RHO: variants seen among roughly 807,000 people sequenced by gnomAD.
The protein encoded by RHO is rhodopsin, also known as opsin 2, rod pigment.
In RHO, 21 loss-of-function variants were observed where a neutral mutation model predicts 31.2. The observed-to-expected ratio is 0.67, with a 90% CI of 0.48 to 0.97. The LOEUF (loss-of-function observed/expected upper bound fraction) is 0.97. RHO is among the 50% of genes least tolerant of loss of function. The pLI is 0.00. For missense variants in RHO, 414 were observed against 479.5 expected, an observed-to-expected ratio of 0.86 and a Z score of 1.28; for synonymous variants, 211 against 196.6, an observed-to-expected ratio of 1.07 and a Z score of -0.61.
chr3:129,531,078 G>C (rs779560689), intron 2 of RHO, 34 bp downstream of exon 2: 4 of 1,607,376 alleles, frequency 2.5e-6, no homozygotes, highest in East Asian at 2.2e-5. Flanking sequence ...AGAAGCTCCG[G>C]GGGCTCTTTG....
chr3:129,532,868 C>G lies in RHO; in HGVS notation c.936+96C>G. 6.5e-7 allele frequency: 1 copy of G among 1,530,898 alleles called. No homozygotes were observed. Among genetic ancestry groups the G allele is most frequent in the Admixed American group, 1.7e-5 (1 of 59,516 alleles). The allele number at this position is 1,530,898 out of a possible 1,614,324, so 94.8% of individuals were successfully genotyped here. A position where few individuals can be genotyped will look rare whatever the true frequency, so the allele number is the denominator to read the frequency against. Reference sequence around the variant, plus strand: ...CCCAGGGCAGGGGAGGGGGCTCCATCAGGGTTACTGGCAGCAGTCTTGGGT... The same window carrying G: ...CCCAGGGCAGGGGAGGGGGCTCCATGAGGGTTACTGGCAGCAGTCTTGGGT... On this transcript the variant is annotated intron_variant, in intron 4 of 4. Coordinates refer to ENST00000296271, the MANE Select transcript of RHO (RefSeq NM_000539.3). This position sits in a 1 kb window ranked among gnomAD's most constrained non-coding sequence, Gnocchi z 5.5.
chr3:129,529,528 G>A (rs78872255), intron 1 of RHO, among the ~76,000 whole-genome samples: 6 of 152,206 alleles, frequency 3.9e-5, no homozygotes, highest in South Asian at 2.1e-4. Flanking sequence ...GGGAGAGCTG[G>A]GCAAGCCAGA....
Position 129,530,864 on chromosome 3 carries a change from A to C in RHO, c.362-12A>C, listed in dbSNP as rs1454233776. 1 of 1,613,988 alleles carries C rather than the reference A, an allele frequency of 6.2e-7. No homozygotes were observed. Among genetic ancestry groups the C allele is most frequent in the Non-Finnish European group, 8.5e-7 (1 of 1,180,014 alleles). The stretch of plus-strand genomic sequence containing the variant: ...TGGGGTCTGTGCTGACCGCCTGCTG[A>C]CTGCCTTGCAGGTGAAATTGCCCTG... On this transcript the variant is annotated splice_polypyrimidine_tract_variant and intron_variant, in intron 1 of 4. Coordinates refer to ENST00000296271, the MANE Select transcript of RHO (RefSeq NM_000539.3).
At position 129,530,533 on chromosome 3, in the gene RHO, A is replaced by ACAACACACACACACACACACACAC. The variant is rs1553781099; in HGVS notation, c.362-343_362-342insCAACACACACACACACACACACAC. Among the ~76,000 whole-genome samples, 685 of 122,746 alleles carry ACAACACACACACACACACACACAC rather than the reference A, an allele frequency of 5.6e-3. 9 individuals are homozygous for ACAACACACACACACACACACACAC. The highest frequency in any genetic ancestry group is 0.024 in the African/African-American group (583 of 24,438). 80.5% of individuals were successfully genotyped at this position (122,746 alleles called of 152,430 possible). ...CACACACACACACACACACACACAC[A>ACAACACACACACACACACACACAC]ACACACACACACACACACACACACA... On this transcript the variant is annotated intron_variant, in intron 1 of 4. Transcript: ENST00000296271.
Position 129,528,675 on chromosome 3 carries a change from AG to A in RHO, c.-57del. On this transcript the variant is annotated 5_prime_UTR_variant, in exon 1 of 5. Coordinates refer to ENST00000296271, the MANE Select transcript of RHO (RefSeq NM_000539.3). ...GCTGGAGCCCTGAGTGGCTGAGCTCAGGCCTTCGCAGCATTCTTGGGTGGGA... is the reference window on the plus strand; with the variant it reads ...GCTGGAGCCCTGAGTGGCTGAGCTCAGCCTTCGCAGCATTCTTGGGTGGGA... 1 of 1,611,106 alleles carries A rather than the reference AG, an allele frequency of 6.2e-7. No homozygotes were observed. Among genetic ancestry groups the A allele is most frequent in the African/African-American group, 1.3e-5 (1 of 74,912 alleles).
rs1369690965 is a variant in RHO, at chr3:129,534,976, C to T, written c.*1258C>T. 1.3e-5 allele frequency: 2 copies of T among 152,798 alleles called. No individual in the cohort carries two copies. The highest frequency in any genetic ancestry group is 3.9e-4 in the East Asian group (2 of 5,192). The allele number at this position is 152,798 out of a possible 1,614,324, so 9.5% of individuals were successfully genotyped here. A position where few individuals can be genotyped will look rare whatever the true frequency, so the allele number is the denominator to read the frequency against. ...CAGACAAGCCCATCTTCAGCAGTTG[C>T]TAGTCCATTCTCCATTCTGGAGAAT... On this transcript the variant is annotated 3_prime_UTR_variant, in exon 5 of 5. Coordinates refer to ENST00000296271, the MANE Select transcript of RHO (RefSeq NM_000539.3).
In RHO at chr3:129,533,888, C is replaced by A; in HGVS notation, c.*170C>A. ...AATAATTAATGAGGCTCCTCACTCACCTGGGACAGCCTGAGAAGGGACATC... is the reference window on the plus strand; with the variant it reads ...AATAATTAATGAGGCTCCTCACTCAACTGGGACAGCCTGAGAAGGGACATC... On this transcript the variant is annotated 3_prime_UTR_variant, in exon 5 of 5. Transcript: ENST00000296271. 1 of 571,570 alleles carries A rather than the reference C, an allele frequency of 1.7e-6. No individual in the cohort carries two copies. The highest frequency in any genetic ancestry group is 3.1e-6 in the Non-Finnish European group (1 of 320,952). 35.4% of individuals were successfully genotyped at this position (571,570 alleles called of 1,614,324 possible). A position where few individuals can be genotyped will look rare whatever the true frequency, so the allele number is the denominator to read the frequency against.
chr3:129,529,203 C>A, intron 1 of RHO, 109 bp downstream of exon 1: 1 of 1,350,828 alleles, frequency 7.4e-7, no homozygotes, highest in South Asian at 1.4e-5. Context: ...CTTCTCCTGT[C>A]CTGTCAATGT....
chr3:129,533,543 T>C, intron 4 of RHO, 65 bp from the exon 5 acceptor site: 2 of 1,201,682 alleles, frequency 1.7e-6, no homozygotes, highest in South Asian at 1.2e-5. Context: ...CGAACCTCAC[T>C]AACGTGCCAG....
chr3:129,534,129 G>A lies in RHO; in HGVS notation c.*411G>A. The A allele has an allele frequency of 1.0e-5, 2 of 191,546 alleles. No homozygotes were observed. The highest frequency in any genetic ancestry group is 9.1e-5 in the South Asian group (1 of 11,014). The allele number at this position is 191,546 out of a possible 1,614,324, so 11.9% of individuals were successfully genotyped here. On this transcript the variant is annotated 3_prime_UTR_variant, in exon 5 of 5. Coordinates refer to ENST00000296271, the MANE Select transcript of RHO (RefSeq NM_000539.3). ...GAAGGAATGGAGGAATGAATGGGAA[G>A]GGAGAACATATCTATCCTCTCAGAC...
At chr3:129,533,300 A>G (rs1359309784) in intron 4 of RHO, among the ~76,000 whole-genome samples, 1 of 152,114 alleles carries the variant, frequency 6.6e-6, no homozygotes, top group Non-Finnish European at 1.5e-5. Context: ...CATCCATAGA[A>G]AGGTAGAAAG....
chr3:129,533,390 C>G (rs116351742), intron 4 of RHO, among the ~76,000 whole-genome samples: 3 of 152,214 alleles, frequency 2.0e-5, no homozygotes, highest in African/African-American at 7.2e-5. Context: ...TGAAATGTCA[C>G]GGGTGACACA....
Position 129,528,692 on chromosome 3 carries a change from T to C in RHO, c.-42T>C. Reference sequence around the variant, plus strand: ...CTGAGCTCAGGCCTTCGCAGCATTCTTGGGTGGGAGCAGCCACGGGTCAGC... The same window carrying C: ...CTGAGCTCAGGCCTTCGCAGCATTCCTGGGTGGGAGCAGCCACGGGTCAGC... On this transcript the variant is annotated 5_prime_UTR_variant, in exon 1 of 5. Transcript: ENST00000296271. 1.2e-6 allele frequency: 2 copies of C among 1,613,428 alleles called. No homozygotes were observed. Among genetic ancestry groups the C allele is most frequent in the Non-Finnish European group, 1.7e-6 (2 of 1,179,980 alleles).
Position 129,528,772 on chromosome 3 carries a change from C to T in RHO, c.39C>T (p.Phe13=). The T allele has an allele frequency of 6.2e-7, 1 of 1,614,230 alleles. No homozygotes were observed. The highest frequency in any genetic ancestry group is 1.1e-5 in the South Asian group (1 of 91,084). ...GTEGPNFYVP[F]SNATGVVRSP... is the part of the protein sequence containing the mutation. Reference sequence around the variant, plus strand: ...AAGGCCCTAACTTCTACGTGCCCTTCTCCAATGCGACGGGTGTGGTACGCA... The same window carrying T: ...AAGGCCCTAACTTCTACGTGCCCTTTTCCAATGCGACGGGTGTGGTACGCA... Residue 13 remains phenylalanine, a synonymous_variant, in exon 1 of 5, where the codon TTC becomes TTT. Transcript: ENST00000296271.
chr3:129,533,174 G>A (rs1348020029), intron 4 of RHO, among the ~76,000 whole-genome samples: 1 of 152,062 alleles, frequency 6.6e-6, no homozygotes, highest in Non-Finnish European at 1.5e-5. Flanking sequence ...GGGTTCCTCG[G>A]AGAGGTACCT....
intron 1 of RHO, among the ~76,000 whole-genome samples, chr3:129,530,593 C>A (rs998517009): frequency 6.7e-6 from 1 of 148,192 alleles, no homozygotes; most frequent in East Asian, 2.1e-4. Flanking sequence ...GTTCCCAGTT[C>A]AATCCTGACC....
chr3:129,532,643 C>T lies in RHO; in HGVS notation c.807C>T (p.Ala269=). The T allele has an allele frequency of 6.2e-7, 1 of 1,614,250 alleles. No homozygotes were observed. The highest frequency in any genetic ancestry group is 8.5e-7 in the Non-Finnish European group (1 of 1,180,046). ...TCCTGATCTGCTGGGTGCCCTACGC[C>T]AGCGTGGCATTCTACATCTTCACCC... is the stretch of plus-strand genomic sequence containing the variant. ...IAFLICWVPY[A]SVAFYIFTHQ... is the part of the protein sequence containing the mutation. Residue 269 remains alanine (A), a synonymous_variant, in exon 4 of 5, where the codon GCC becomes GCT. Coordinates refer to ENST00000296271, the MANE Select transcript of RHO (RefSeq NM_000539.3). This position sits in a 1 kb window ranked among gnomAD's most constrained non-coding sequence, Gnocchi z 5.5.
At position 129,528,717 on chromosome 3, in the gene RHO, C is replaced by A; in HGVS notation, c.-17C>A. On this transcript the variant is annotated 5_prime_UTR_variant, in exon 1 of 5. Coordinates refer to ENST00000296271, the MANE Select transcript of RHO (RefSeq NM_000539.3). ...TTGGGTGGGAGCAGCCACGGGTCAG[C>A]CACAAGGGCCACAGCCATGAATGGC... The A allele has an allele frequency of 1.9e-6, 3 of 1,614,032 alleles. No homozygotes were observed. Among genetic ancestry groups the A allele is most frequent in the Non-Finnish European group, 2.5e-6 (3 of 1,180,016 alleles).
At chr3:129,529,371 G>A (rs911401021) in intron 1 of RHO, among the ~76,000 whole-genome samples, 1 of 152,262 alleles carries the variant, frequency 6.6e-6, no homozygotes, top group Non-Finnish European at 1.5e-5. Context: ...GAGGCTCAAA[G>A]AAGTCAAGCG....
Sources: allele counts gnomAD v4.1 joint callset (sites outside exome capture counted in the v4.1 genomes callset), GRCh38; gene constraint gnomAD v4.1.1; non-coding constraint Gnocchi (gnomAD v3.1); transcripts MANE v1.5; gene names NCBI Gene and HGNC (gene_info 2026-07-23, HGNC 2026-07-21).